The following LRRTM4 variants were observed in gnomAD, a reference collection of about 807,000 sequenced individuals.
LRRTM4 encodes leucine-rich repeat transmembrane neuronal protein 4.
In LRRTM4, 25 loss-of-function variants were observed where a neutral mutation model predicts 47.6. That is an observed-to-expected ratio of 0.53 (90% confidence interval 0.38 to 0.73). LRRTM4 has a LOEUF of 0.73. Ranked by LOEUF, LRRTM4 falls within the 30% of genes least tolerant of loss-of-function variation. The pLI, the probability that LRRTM4 is intolerant of heterozygous loss-of-function variation, is 0.00. For synonymous variants in LRRTM4, 311 were observed against 269.5 expected (o/e 1.15, Z -1.51); for missense variants, 638 against 713.4 (o/e 0.89, Z 1.20).
At chr2:76,810,708 G>C (rs1670706780) in intron 3 of LRRTM4, among the ~76,000 whole-genome samples, 1 of 152,014 alleles carries the variant, frequency 6.6e-6, no homozygotes, top group Non-Finnish European at 1.5e-5. Context: ...GTTTCTATTT[G>C]TTTTACTAAA....
At chr2:77,316,729 A>G (rs2104213650) in intron 3 of LRRTM4, among the ~76,000 whole-genome samples, 1 of 152,160 alleles carries the variant, frequency 6.6e-6, no homozygotes, top group Admixed American at 6.5e-5. Flanking sequence ...GATATTTTGT[A>G]GAGATGGGGT....
intron 3 of LRRTM4, among the ~76,000 whole-genome samples, chr2:77,042,927 G>A (rs760334513): frequency 6.6e-6 from 1 of 151,480 alleles, no homozygotes; most frequent in Non-Finnish European, 1.5e-5. Context: ...AGGGATTAAA[G>A]CTCAATCTAG....
At chr2:77,188,281 A>G (rs1162997704) in intron 3 of LRRTM4, among the ~76,000 whole-genome samples, 1 of 152,166 alleles carries the variant, frequency 6.6e-6, no homozygotes, top group African/African-American at 2.4e-5. Context: ...ATGACATACG[A>G]TATTTCCCCT....
intron 3 of LRRTM4, among the ~76,000 whole-genome samples, chr2:77,450,363 C>T (rs1424303243): frequency 2.0e-5 from 3 of 151,566 alleles, no homozygotes; most frequent in Non-Finnish European, 2.9e-5. Flanking sequence ...TTACAGGGTA[C>T]ATAATAAAAA....
rs1178659250 is a variant in LRRTM4, at chr2:77,428,594, C to T, written c.1551+89724G>A. On this transcript the variant is annotated intron_variant, in intron 3 of 3. Transcript: ENST00000409884. ...CTCAGTAATATTTTTAAAAGGTTCA[C>T]ATTTTTTAGATATAGGCTCTAAATA... Among the ~76,000 whole-genome samples the T allele has an allele frequency of 3.3e-5, 5 of 152,130 alleles. No homozygotes were observed. In the South Asian group the frequency reaches 6.2e-4, roughly 19 times the overall value.
At chr2:77,223,805 A>G (rs568946062) in intron 3 of LRRTM4, among the ~76,000 whole-genome samples, 261 of 152,360 alleles carry the variant, frequency 1.7e-3, no homozygotes, top group African/African-American at 6.2e-3. Context: ...GATAGATTCA[A>G]TGCCATCCCT....
chr2:77,040,146 C>T (rs1451026294), intron 3 of LRRTM4, among the ~76,000 whole-genome samples: 1 of 150,988 alleles, frequency 6.6e-6, no homozygotes, highest in African/African-American at 2.4e-5. Flanking sequence ...ATCCATGAAT[C>T]CATATAAAAC....
intron 3 of LRRTM4, among the ~76,000 whole-genome samples, chr2:77,304,481 C>T (rs1458379183): frequency 2.6e-5 from 4 of 151,974 alleles, no homozygotes; most frequent in East Asian, 1.9e-4. Context: ...TTCAATGGAA[C>T]TTCTTTTATC....
chr2:77,170,780 T>C (rs189712151), intron 3 of LRRTM4, among the ~76,000 whole-genome samples: 2 of 91,892 alleles, frequency 2.2e-5, no homozygotes, highest in Admixed American at 2.4e-4. Context: ...TAGGAATTTC[T>C]TTCTTAGTTT....
At chr2:77,098,736 CAT>C (rs1198846315) in intron 3 of LRRTM4, among the ~76,000 whole-genome samples, 4 of 151,744 alleles carry the variant, frequency 2.6e-5, no homozygotes, top group Non-Finnish European at 4.4e-5. Context: ...CTATGTAACA[CAT>C]ATTACTCACA....
At chr2:77,099,175 C>T (rs1281331634) in intron 3 of LRRTM4, among the ~76,000 whole-genome samples, 1 of 151,834 alleles carries the variant, frequency 6.6e-6, no homozygotes, top group African/African-American at 2.4e-5. Flanking sequence ...AATTCTCATA[C>T]ATATGACATC....
intron 3 of LRRTM4, among the ~76,000 whole-genome samples, chr2:77,296,771 T>A (rs1304235733): frequency 6.6e-6 from 1 of 152,212 alleles, no homozygotes; most frequent in Admixed American, 6.5e-5. Flanking sequence ...CACCTCCTTC[T>A]TACCTGTGTC....
chr2:77,259,286 C>T (rs933208828), intron 3 of LRRTM4, among the ~76,000 whole-genome samples: 16 of 151,946 alleles, frequency 1.1e-4, no homozygotes, highest in African/African-American at 3.9e-4. Context: ...CTTTTAAACA[C>T]TCATAAAGTG....
intron 3 of LRRTM4, among the ~76,000 whole-genome samples, chr2:76,908,880 G>T (rs1455459342): frequency 4.6e-5 from 7 of 152,178 alleles, no homozygotes; most frequent in African/African-American, 1.7e-4. Context: ...CATGCTCATG[G>T]GTAGGAAGAG....
At chr2:77,321,844 A>G (rs1395504618) in intron 3 of LRRTM4, among the ~76,000 whole-genome samples, 1 of 152,108 alleles carries the variant, frequency 6.6e-6, no homozygotes, top group Non-Finnish European at 1.5e-5. Flanking sequence ...GACTGTTAAT[A>G]TGAGCATTTG....
chr2:76,947,891 G>C (rs893363201), intron 3 of LRRTM4, among the ~76,000 whole-genome samples: 1 of 151,806 alleles, frequency 6.6e-6, no homozygotes, highest in East Asian at 1.9e-4. Flanking sequence ...GAAATTGCAA[G>C]GCGACTCCCC....
chr2:77,011,531 TTGTGTGTGTGTGTGTGTG>T (rs56982328), intron 3 of LRRTM4, among the ~76,000 whole-genome samples: 83 of 144,146 alleles, frequency 5.8e-4, no homozygotes, highest in African/African-American at 1.6e-3. Context: ...GAAGAAGCAT[TTGTGTGTGTGTGTGTGTG>T]TGTGTGTGTG....
At chr2:76,896,593 C>G (rs1326804979) in intron 3 of LRRTM4, among the ~76,000 whole-genome samples, 1 of 151,782 alleles carries the variant, frequency 6.6e-6, no homozygotes, top group African/African-American at 2.4e-5. Context: ...TTACAGGCTA[C>G]TTGTCAATTG....
chr2:76,935,922 T>A lies in LRRTM4; in HGVS notation c.1552-187006A>T, dbSNP rs186929169. On this transcript the variant is annotated intron_variant, in intron 3 of 3. Coordinates refer to ENST00000409884, the MANE Select transcript of LRRTM4 (RefSeq NM_001134745.3). ...AGAGGGCATTCTTTTCTTGTGCCAG[T>A]TTTCAAAGGAATGCTTCCAGTTTTT... is the stretch of plus-strand genomic sequence containing the variant. Among the ~76,000 whole-genome samples, 720 of 152,256 alleles carry A rather than the reference T, an allele frequency of 4.7e-3. 9 individuals are homozygous for A. Among genetic ancestry groups the A allele is most frequent in the African/African-American group, 0.016 (673 of 41,556 alleles).
Sources: allele counts gnomAD v4.1 joint callset (sites outside exome capture counted in the v4.1 genomes callset), GRCh38; gene constraint gnomAD v4.1.1; transcripts MANE v1.5; gene names NCBI Gene and HGNC (gene_info 2026-07-23, HGNC 2026-07-21).